JAM3: variants seen among roughly 807,000 people sequenced by gnomAD.
The protein encoded by JAM3 is junctional adhesion molecule C.
Under a neutral mutation model 39.4 loss-of-function variants are expected in JAM3, and 31 were observed. The observed-to-expected ratio is 0.79, with a 90% CI of 0.59 to 1.06. The LOEUF is 1.06. JAM3 is among the 50% of genes least tolerant of loss of function. The pLI is 0.00. For missense variants in JAM3, 455 were observed against 391.4 expected, an observed-to-expected ratio of 1.16 and a Z score of -1.37; for synonymous variants, 182 against 148.7, an observed-to-expected ratio of 1.22 and a Z score of -1.63.
chr11:134,080,092 G>T (rs2120589359), intron 1 of JAM3, among the ~76,000 whole-genome samples: 1 of 152,120 alleles, frequency 6.6e-6, no homozygotes, highest in South Asian at 2.1e-4. Flanking sequence ...TAACCAATTG[G>T]TTGGGTTGTT....
intron 1 of JAM3, among the ~76,000 whole-genome samples, chr11:134,113,019 C>T (rs970406813): frequency 1.3e-5 from 2 of 152,164 alleles, no homozygotes; most frequent in Non-Finnish European, 2.9e-5. Flanking sequence ...GTCCAGTGCA[C>T]TCTGGGAGAG....
chr11:134,144,746 G>A (rs751090941), intron 4 of JAM3, 46 bp from the exon 5 acceptor site: 1 of 1,496,752 alleles, frequency 6.7e-7, no homozygotes, highest in East Asian at 2.3e-5. Context: ...AATAAGAATA[G>A]AGCCCTGTCA....
chr11:134,093,836 G>T (rs1409091336), intron 1 of JAM3, among the ~76,000 whole-genome samples: 2 of 102,324 alleles, frequency 2.0e-5, no homozygotes, highest in African/African-American at 9.4e-5. Flanking sequence ...TATTCATCAT[G>T]TTCCATCTTA....
At chr11:134,111,909 G>A (rs1942319394) in intron 1 of JAM3, among the ~76,000 whole-genome samples, 2 of 152,174 alleles carry the variant, frequency 1.3e-5, no homozygotes, top group African/African-American at 4.8e-5. Context: ...GTGCTCACAG[G>A]ATCCAAACAC....
Position 134,150,483 on chromosome 11 carries a change from G to A in JAM3, c.*1302G>A, listed in dbSNP as rs1369622762. 1 of 152,256 alleles carries A rather than the reference G, an allele frequency of 6.6e-6. No individual in the cohort carries two copies. The highest frequency in any genetic ancestry group is 1.9e-4 in the East Asian group (1 of 5,202). The allele number at this position is 152,256 out of a possible 1,614,324, so 9.4% of individuals were successfully genotyped here. A position where few individuals can be genotyped will look rare whatever the true frequency, so the allele number is the denominator to read the frequency against. ...GGGCCCTGGCAGTGGCTGTGTCCCA[G>A]TGAGCTTTACTCACGTGGCCCTTGC... On this transcript the variant is annotated 3_prime_UTR_variant, in exon 9 of 9. Coordinates refer to ENST00000299106, the MANE Select transcript of JAM3 (RefSeq NM_032801.5).
chr11:134,139,314 T>A (rs1942930024), intron 1 of JAM3, among the ~76,000 whole-genome samples: 1 of 152,184 alleles, frequency 6.6e-6, no homozygotes, highest in Non-Finnish European at 1.5e-5. Flanking sequence ...CGGTGAAAAC[T>A]TCTTCGTGGA....
At position 134,146,018 on chromosome 11, in the gene JAM3, A is replaced by G; in HGVS notation, c.685A>G (p.Arg229Gly). 1 of 1,613,984 alleles carries G rather than the reference A, an allele frequency of 6.2e-7. No homozygotes were observed. The highest frequency in any genetic ancestry group is 8.5e-7 in the Non-Finnish European group (1 of 1,179,800). Residue 229 changes from arginine (R) to glycine (G), a missense_variant, in exon 6 of 9, where the codon AGG becomes GGG. By Grantham distance (125) the Arg-to-Gly change is moderately radical (BLOSUM62 -2). Transcript: ENST00000299106. The part of the protein sequence containing the change: ...CIASNDAGSA[R>G]CEEQEMEVYD... Reference sequence around the variant, plus strand: ...TGCTTCCAATGACGCAGGCTCAGCCAGGTGTGAGGAGCAGGAGATGGAAGT... The same window carrying G: ...TGCTTCCAATGACGCAGGCTCAGCCGGGTGTGAGGAGCAGGAGATGGAAGT...
chr11:134,070,496 T>C (rs932223090), intron 1 of JAM3, among the ~76,000 whole-genome samples: 2 of 152,156 alleles, frequency 1.3e-5, no homozygotes, highest in Non-Finnish European at 2.9e-5. Context: ...AGTTTTAGCG[T>C]ATAGATTATG....
chr11:134,075,173 T>C (rs1274911843), intron 1 of JAM3, among the ~76,000 whole-genome samples: 1 of 152,132 alleles, frequency 6.6e-6, no homozygotes, highest in Non-Finnish European at 1.5e-5. Context: ...AGAGGGAACA[T>C]ATAGTTTAGT....
At chr11:134,121,704 A>C (rs1361940647) in intron 1 of JAM3, among the ~76,000 whole-genome samples, 1 of 152,188 alleles carries the variant, frequency 6.6e-6, no homozygotes, top group Non-Finnish European at 1.5e-5. Flanking sequence ...TTAAAAGAAA[A>C]TGAGGGCTAA....
At chr11:134,138,500 A>G (rs912080227) in intron 1 of JAM3, among the ~76,000 whole-genome samples, 1 of 152,128 alleles carries the variant, frequency 6.6e-6, no homozygotes, top group African/African-American at 2.4e-5. Context: ...GCTGAGAGAA[A>G]TGTTTGTGGC....
rs1453246915 is a variant in JAM3, at chr11:134,151,881, CAGG to C, written c.*2704_*2706del. On this transcript the variant is annotated 3_prime_UTR_variant, in exon 9 of 9. Coordinates refer to ENST00000299106, the MANE Select transcript of JAM3 (RefSeq NM_032801.5). Reference sequence around the variant, plus strand: ...ATCCACCAGGGAAGTCAGTGCTGGGCAGGAGGTCAGCCTGTGTGCTCAAGAGCA... The same window carrying C: ...ATCCACCAGGGAAGTCAGTGCTGGGCAGGTCAGCCTGTGTGCTCAAGAGCA... 6.6e-6 allele frequency: 1 copy of C among 152,208 alleles called. No homozygotes were observed. The highest frequency in any genetic ancestry group is 1.5e-5 in the Non-Finnish European group (1 of 68,056). The allele number at this position is 152,208 out of a possible 1,614,324, so 9.4% of individuals were successfully genotyped here.
intron 3 of JAM3, among the ~76,000 whole-genome samples, chr11:134,142,943 C>CCGAACT (rs1339279108): frequency 6.6e-6 from 1 of 152,210 alleles, no homozygotes; most frequent in African/African-American, 2.4e-5. Context: ...CATTTCTTTT[C>CCGAACT]ACGGCTGAAT....
intron 1 of JAM3, among the ~76,000 whole-genome samples, chr11:134,120,483 C>CATTTTAATTA (rs1260200868): frequency 1.3e-5 from 2 of 152,142 alleles, no homozygotes; most frequent in Non-Finnish European, 2.9e-5. Flanking sequence ...TGAGTATAAA[C>CATTTTAATTA]CCAAATTAAT....
chr11:134,149,778 A>T lies in JAM3; in HGVS notation c.*597A>T. Reference sequence around the variant, plus strand: ...AAAACAACCAAAATCAGGAAGGTAAATTGGTTGCTGGAAGAGGGATCTTGC... The same window carrying T: ...AAAACAACCAAAATCAGGAAGGTAATTTGGTTGCTGGAAGAGGGATCTTGC... On this transcript the variant is annotated 3_prime_UTR_variant, in exon 9 of 9. Transcript: ENST00000299106. The T allele has an allele frequency of 4.7e-6, 2 of 426,680 alleles. No homozygotes were observed. Among genetic ancestry groups the T allele is most frequent in the South Asian group, 3.3e-5 (2 of 59,902 alleles). 26.4% of individuals were successfully genotyped at this position (426,680 alleles called of 1,614,324 possible). A position where few individuals can be genotyped will look rare whatever the true frequency, so the allele number is the denominator to read the frequency against.
intron 1 of JAM3, among the ~76,000 whole-genome samples, chr11:134,134,208 A>G (rs1223861007): frequency 6.6e-6 from 1 of 152,132 alleles, no homozygotes; most frequent in Non-Finnish European, 1.5e-5. Context: ...AGATGACCTA[A>G]AAAATGGAAC....
intron 1 of JAM3, among the ~76,000 whole-genome samples, chr11:134,121,385 G>A (rs1046299729): frequency 3.3e-5 from 5 of 151,810 alleles, no homozygotes; most frequent in African/African-American, 9.7e-5. Flanking sequence ...CTGAGGAGCC[G>A]TGTGAGCTAG....
intron 1 of JAM3, chr11:134,124,452 G>A (rs1942603538): frequency 4.0e-6 from 2 of 499,070 alleles, no homozygotes; most frequent in South Asian, 2.5e-5. Context: ...TTATCAATCA[G>A]TGTTTTCTCT....
At chr11:134,071,574 C>CT (rs1478099637) in intron 1 of JAM3, among the ~76,000 whole-genome samples, 1 of 152,126 alleles carries the variant, frequency 6.6e-6, no homozygotes, top group Non-Finnish European at 1.5e-5. Flanking sequence ...GTTTCCAAAT[C>CT]TTTGATATTC....
Sources: gnomAD v4.1 joint callset for allele counts (sites outside exome capture counted in the v4.1 genomes callset) on GRCh38, gnomAD v4.1.1 for gene constraint, MANE v1.5 for transcripts, NCBI Gene and HGNC (gene_info 2026-07-23, HGNC 2026-07-21) for gene names.